Variants in ABHD2 observed in about 807,000 individuals in gnomAD.
The protein encoded by ABHD2 is abhydrolase domain containing 2, acylglycerol lipase, also known as monoacylglycerol lipase ABHD2.
In ABHD2, 20 loss-of-function variants were observed where a neutral mutation model predicts 48.1. The observed-to-expected ratio is 0.42, with a 90% confidence interval of 0.29 to 0.60. ABHD2 has a LOEUF of 0.60. ABHD2 is among the 20% of genes least tolerant of loss of function. The pLI is 0.24. For synonymous variants in ABHD2, 209 were observed against 214.2 expected (o/e 0.98, Z 0.21); for missense variants, 405 against 550.9 (o/e 0.74, Z 2.65).
In ABHD2 at chr15:89,168,581, C is replaced by T. The variant is rs920464884; in HGVS notation, c.539-7231C>T. Among the ~76,000 whole-genome samples, 1 of 152,200 alleles carries T rather than the reference C, an allele frequency of 6.6e-6. No individual in the cohort carries two copies. Among genetic ancestry groups the T allele is most frequent in the African/African-American group, 2.4e-5 (1 of 41,468 alleles). ...ATCCAGCAGTCTGTCTGACATCAGG[C>T]AGGGTTGGCCCTTTATCCAGATCAG... is the stretch of plus-strand genomic sequence containing the variant. On this transcript the variant is annotated intron_variant, in intron 5 of 10. Transcript: ENST00000352732. This position sits in a 1 kb window ranked among gnomAD's most constrained non-coding sequence, Gnocchi z 4.8.
At chr15:89,075,251 C>T in the ABHD2 span, 2 of 152,146 alleles carry the variant, frequency 1.3e-5, no homozygotes, top group African/African-American at 2.4e-5. The surrounding 1 kb of genome is among the most constrained non-coding windows in gnomAD (Gnocchi z 4.1). Context: ...GTTCTGGCCC[C>T]CAGCACTCAG....
At chr15:89,115,519 A>C (rs1294174707) in intron 2 of ABHD2, among the ~76,000 whole-genome samples, 2 of 151,888 alleles carry the variant, frequency 1.3e-5, no homozygotes, top group African/African-American at 4.8e-5. Context: ...TCTGTATTCC[A>C]ATTTTAGATT....
chr15:89,080,492 A>G, the ABHD2 span, among the ~76,000 whole-genome samples: 1 of 152,144 alleles, frequency 6.6e-6, no homozygotes, highest in Non-Finnish European at 1.5e-5. Context: ...TGGTGTTAGA[A>G]TAAGTCTCAA....
At chr15:89,181,791 A>G (rs952806181) in intron 6 of ABHD2, among the ~76,000 whole-genome samples, 2 of 152,208 alleles carry the variant, frequency 1.3e-5, no homozygotes, top group Non-Finnish European at 2.9e-5. Context: ...TGGAAAGCTG[A>G]GCCTTCTCTA....
intron 3 of ABHD2, among the ~76,000 whole-genome samples, chr15:89,139,797 G>A (rs1437635531): frequency 6.6e-6 from 1 of 152,064 alleles, no homozygotes; most frequent in Non-Finnish European, 1.5e-5. Flanking sequence ...GCAGAGTGGA[G>A]GGCCTGTGAA....
chr15:89,048,069 C>T, the ABHD2 span, among the ~76,000 whole-genome samples: 4 of 151,912 alleles, frequency 2.6e-5, no homozygotes, highest in Non-Finnish European at 4.4e-5. Context: ...GCGCTTCCTT[C>T]AGGAGCTCTT....
intron 3 of ABHD2, among the ~76,000 whole-genome samples, chr15:89,127,706 C>CATATATATATATACACATATAT (rs915553345): frequency 7.7e-6 from 1 of 129,916 alleles, no homozygotes; most frequent in Non-Finnish European, 1.5e-5. Context: ...TATATATATA[C>CATATATATATATACACATATAT]ATATATATAT....
intron 5 of ABHD2, among the ~76,000 whole-genome samples, chr15:89,163,502 T>A (rs1457610196): frequency 6.6e-6 from 1 of 152,214 alleles, no homozygotes; most frequent in Non-Finnish European, 1.5e-5. Flanking sequence ...TTAATTAGTA[T>A]CCCCACTTCA....
At chr15:89,132,833 A>G (rs1176464106) in intron 3 of ABHD2, among the ~76,000 whole-genome samples, 2 of 152,230 alleles carry the variant, frequency 1.3e-5, no homozygotes, top group South Asian at 2.1e-4. Context: ...TGTGGACAAG[A>G]TGAAGGTCTG....
In ABHD2 at chr15:89,092,656, T is replaced by G. The variant is rs911899525; in HGVS notation, c.-107+4093T>G. ...CATCCTCCAGAAGTGGTCCCTGAAC[T>G]TCCAAGGGATTTTATACATCTGTAA... On this transcript the variant is annotated intron_variant, in intron 1 of 10. Transcript: ENST00000352732. The surrounding 1 kb of genome is among the most constrained non-coding windows in gnomAD (Gnocchi z 4.4). Among the ~76,000 whole-genome samples, 3 of 152,224 alleles carry G rather than the reference T, an allele frequency of 2.0e-5. No homozygotes were observed. The highest frequency in any genetic ancestry group is 7.2e-5 in the African/African-American group (3 of 41,462).
chr15:89,118,857 G>A (rs1449347910), intron 3 of ABHD2, among the ~76,000 whole-genome samples: 2 of 152,046 alleles, frequency 1.3e-5, no homozygotes, highest in Admixed American at 6.6e-5. Context: ...AAGCCCAACA[G>A]TTTCTCTTTG....
At chr15:89,043,377 C>T in the ABHD2 span, among the ~76,000 whole-genome samples, 3 of 151,676 alleles carry the variant, frequency 2.0e-5, no homozygotes, top group African/African-American at 7.3e-5. Context: ...GGTGAGCTAT[C>T]TTTGTGCCAC....
chr15:89,107,893 T>C (rs537503491), intron 1 of ABHD2, among the ~76,000 whole-genome samples: 1 of 152,298 alleles, frequency 6.6e-6, no homozygotes, highest in Non-Finnish European at 1.5e-5. Context: ...GCTGTCTGTG[T>C]CCTCTGAGCT....
In ABHD2 at chr15:89,116,671, T is replaced by C. The variant is rs1365019732; in HGVS notation, c.194+150T>C. The C allele has an allele frequency of 3.6e-6, 3 of 829,926 alleles. No homozygotes were observed. Among genetic ancestry groups the C allele is most frequent in the African/African-American group, 1.7e-5 (1 of 58,130 alleles). 51.4% of individuals were successfully genotyped at this position (829,926 alleles called of 1,614,324 possible). On this transcript the variant is annotated intron_variant, in intron 3 of 10. Coordinates refer to ENST00000352732, the MANE Select transcript of ABHD2 (RefSeq NM_152924.5). This position sits in a 1 kb window ranked among gnomAD's most constrained non-coding sequence, Gnocchi z 4.6. ...TAAAATAGCCACAGTCTGATTGCAGTCTAGTGTTTGAATCCTGGAGGGTAG... is the reference window on the plus strand; with the variant it reads ...TAAAATAGCCACAGTCTGATTGCAGCCTAGTGTTTGAATCCTGGAGGGTAG...
chr15:89,060,703 T>A, the ABHD2 span, among the ~76,000 whole-genome samples: 1 of 152,164 alleles, frequency 6.6e-6, no homozygotes, highest in Non-Finnish European at 1.5e-5. Flanking sequence ...AGATTTTAAG[T>A]GATTTGTGTT....
chr15:89,185,386 C>A lies in ABHD2; in HGVS notation c.723-38C>A. ...CCTCCTGGCTGCCCGCCTGCACCCC[C>A]ACACCGCAGTCACCCTCACTCGCTG... is the stretch of plus-strand genomic sequence containing the variant. On this transcript the variant is annotated intron_variant, in intron 6 of 10. Coordinates refer to ENST00000352732, the MANE Select transcript of ABHD2 (RefSeq NM_152924.5). This position sits in a 1 kb window ranked among gnomAD's most constrained non-coding sequence, Gnocchi z 5.9. 1 of 1,585,134 alleles carries A rather than the reference C, an allele frequency of 6.3e-7. No individual in the cohort carries two copies. The highest frequency in any genetic ancestry group is 2.2e-5 in the East Asian group (1 of 44,694).
chr15:89,053,323 G>C, the ABHD2 span, among the ~76,000 whole-genome samples: 1 of 152,164 alleles, frequency 6.6e-6, no homozygotes, highest in Admixed American at 6.5e-5. Flanking sequence ...GTAGTAACTT[G>C]TGGTACTTTG....
the ABHD2 span, among the ~76,000 whole-genome samples, chr15:89,065,102 G>T: frequency 6.6e-6 from 1 of 152,108 alleles, no homozygotes; most frequent in Non-Finnish European, 1.5e-5. Context: ...GGTGCTATGG[G>T]CATCTTGGAT....
At chr15:89,087,070 T>C (rs1163788701), upstream of ABHD2, 1 of 152,218 alleles carries the variant, frequency 6.6e-6, no homozygotes, top group African/African-American at 2.4e-5. The surrounding 1 kb of genome is among the most constrained non-coding windows in gnomAD (Gnocchi z 5.5). Context: ...TGGGGCTACA[T>C]TCAGGCCTGA....
Sources: allele counts gnomAD v4.1 joint callset (sites outside exome capture counted in the v4.1 genomes callset), GRCh38; gene constraint gnomAD v4.1.1; non-coding constraint Gnocchi (gnomAD v3.1); transcripts MANE v1.5; gene names NCBI Gene and HGNC (gene_info 2026-07-23, HGNC 2026-07-21).